CCND3: variants seen among roughly 807,000 people sequenced by gnomAD.
The protein encoded by CCND3 is G1/S-specific cyclin-D3.
CCND3 carries 9 observed loss-of-function variants against 28.7 expected under a neutral mutation model. That is an observed-to-expected ratio of 0.31 (90% CI 0.19 to 0.55). The LOEUF is 0.55. Among genes scored for constraint, CCND3 ranks in the 20% least tolerant of loss-of-function variants. The pLI is 0.93. For missense variants in CCND3, 315 were observed against 385.8 expected (o/e 0.82, Z 1.54); for synonymous variants, 164 against 163.9 (o/e 1.00, Z 0.00).
chr6:42,008,154 G>C (rs565389498), intron 1 of CCND3, among the ~76,000 whole-genome samples: 1 of 152,128 alleles, frequency 6.6e-6, no homozygotes, highest in Non-Finnish European at 1.5e-5. Context: ...GTCGAGGTGG[G>C]CAGATCACCT....
At chr6:41,952,329 G>A (rs1486457889) in intron 1 of CCND3, among the ~76,000 whole-genome samples, 1 of 152,218 alleles carries the variant, frequency 6.6e-6, no homozygotes, top group Non-Finnish European at 1.5e-5. Flanking sequence ...AGCGGGTGGA[G>A]AAATGAGCAG....
chr6:42,031,843 G>A (rs1764054474), intron 1 of CCND3, among the ~76,000 whole-genome samples: 1 of 143,642 alleles, frequency 7.0e-6, no homozygotes, highest in African/African-American at 2.7e-5. Flanking sequence ...GAGACAGAGT[G>A]CAACGGCGCG....
intron 1 of CCND3, among the ~76,000 whole-genome samples, chr6:41,998,678 A>T (rs1304420515): frequency 2.0e-5 from 3 of 149,146 alleles, no homozygotes; most frequent in Non-Finnish European, 3.0e-5. Flanking sequence ...TGGTCTATGC[A>T]TTATTATTTT....
chr6:42,009,858 T>C lies in CCND3; in HGVS notation c.-46+38643A>G, dbSNP rs570238501. On this transcript the variant is annotated intron_variant, in intron 1 of 4. Coordinates refer to the CCND3 transcript ENST00000372988. ...AAGGGGAGCCCTAGAATAGTGATTC[T>C]CAAAGTGTGGTCCCTATACCAGTAG... Among the ~76,000 whole-genome samples the C allele has an allele frequency of 7.9e-5, 12 of 152,130 alleles. No homozygotes were observed. In the East Asian group the frequency reaches 2.3e-3, roughly 29 times the overall value.
chr6:41,994,194 C>T (rs1322678744), intron 1 of CCND3, among the ~76,000 whole-genome samples: 1 of 151,792 alleles, frequency 6.6e-6, no homozygotes, highest in Non-Finnish European at 1.5e-5. Context: ...CATTGTGTTA[C>T]AGTTGCCTAC....
At chr6:41,997,444 A>C (rs6904586) in intron 1 of CCND3, among the ~76,000 whole-genome samples, 149,108 of 152,166 alleles carry the variant, frequency 0.98, 73,119 homozygotes, top group East Asian at 1. Context: ...AGTGTGAGTT[A>C]TCTGGGGTAG....
rs1209031148 is a variant in CCND3 at position 41,936,957 on chromosome 6, G to A, written c.575-262C>T. On this transcript the variant is annotated intron_variant, in intron 3 of 4. Transcript: ENST00000372991. This position sits in a 1 kb window ranked among gnomAD's most constrained non-coding sequence, Gnocchi z 4.4. ...TCCCTAGTATGGGAACACAACTAGGGCCAAGAGACTGGGGTTCTGTTCCCA... is the reference window on the plus strand; with the variant it reads ...TCCCTAGTATGGGAACACAACTAGGACCAAGAGACTGGGGTTCTGTTCCCA... The A allele has an allele frequency of 1.7e-6, 1 of 594,314 alleles. No homozygotes were observed. The highest frequency in any genetic ancestry group is 3.0e-5 in the Admixed American group (1 of 33,536). The allele number at this position is 594,314 out of a possible 1,614,324, so 36.8% of individuals were successfully genotyped here.
intron 1 of CCND3, among the ~76,000 whole-genome samples, chr6:42,021,491 G>A (rs527273125): frequency 1.3e-5 from 2 of 152,320 alleles, no homozygotes; most frequent in East Asian, 3.9e-4. Context: ...AGAGAAGGGT[G>A]GAAACCAATG....
At chr6:41,974,416 C>T (rs1762115204) in intron 1 of CCND3, among the ~76,000 whole-genome samples, 1 of 152,128 alleles carries the variant, frequency 6.6e-6, no homozygotes, top group Non-Finnish European at 1.5e-5. Flanking sequence ...TCATCATCAT[C>T]ATTAAGAACT....
At chr6:41,990,372 A>G (rs1762611389) in intron 1 of CCND3, among the ~76,000 whole-genome samples, 1 of 152,140 alleles carries the variant, frequency 6.6e-6, no homozygotes, top group Admixed American at 6.6e-5. Context: ...TCGTATTACC[A>G]AAAGCAATCT....
chr6:41,941,457 G>C lies in CCND3; in HGVS notation c.193C>G (p.Leu65Val), dbSNP rs1582089687. Residue 65 changes from leucine to valine, a missense_variant, in exon 1 of 5, where the codon CTG becomes GTG. By Grantham distance (32) the Leu-to-Val change is conservative. Transcript: ENST00000372991. This position sits in a 1 kb window ranked among gnomAD's most constrained non-coding sequence, Gnocchi z 6.1. ...HMRKMLAYWM[L>V]EVCEEQRCEE... is the part of the protein sequence containing the mutation. ...GGGACGCGTCCGGGCGGTACCTCCA[G>C]CATCCAGTAAGCCAGCATCTTCCGC... is the stretch of plus-strand genomic sequence containing the variant. 1 of 1,608,338 alleles carries C rather than the reference G, an allele frequency of 6.2e-7. No individual in the cohort carries two copies. The highest frequency in any genetic ancestry group is 8.5e-7 in the Non-Finnish European group (1 of 1,178,804).
intron 1 of CCND3, among the ~76,000 whole-genome samples, chr6:42,023,382 G>A (rs1763770257): frequency 6.6e-6 from 1 of 152,192 alleles, no homozygotes; most frequent in Non-Finnish European, 1.5e-5. Context: ...ATGAAGTATC[G>A]TGCTGTGGGG....
intron 1 of CCND3, among the ~76,000 whole-genome samples, chr6:42,019,746 A>G (rs894656437): frequency 6.6e-6 from 1 of 152,060 alleles, no homozygotes; most frequent in African/African-American, 2.4e-5. Context: ...TCCTATTTGT[A>G]ATGTGTTTTT....
At chr6:41,956,479 C>G (rs1265017390) in intron 1 of CCND3, among the ~76,000 whole-genome samples, 1 of 152,100 alleles carries the variant, frequency 6.6e-6, no homozygotes, top group African/African-American at 2.4e-5. Context: ...CCTCAACGTT[C>G]TAAAGGTAGG....
rs1157217950 is a variant in CCND3 at position 41,935,883 on chromosome 6, G to A, written c.*57C>T. The stretch of plus-strand genomic sequence containing the variant: ...TGGTGTGGTTCCTGGAGGCAGGGAG[G>A]TGGGTGGCAGCGGCCCCTCCTCTGC... On this transcript the variant is annotated 3_prime_UTR_variant, in exon 5 of 5. Coordinates refer to ENST00000372991, the MANE Select transcript of CCND3 (RefSeq NM_001760.5). 1.4e-5 allele frequency: 21 copies of A among 1,502,162 alleles called. No individual in the cohort carries two copies. The highest frequency in any genetic ancestry group is 1.7e-5 in the Non-Finnish European group (19 of 1,098,518). The allele number at this position is 1,502,162 out of a possible 1,614,324, so 93.1% of individuals were successfully genotyped here.
intron 1 of CCND3, among the ~76,000 whole-genome samples, chr6:41,949,909 A>C (rs1348844378): frequency 3.3e-5 from 5 of 150,654 alleles, no homozygotes; most frequent in Non-Finnish European, 7.4e-5. Flanking sequence ...CCTGGCTAAC[A>C]CGATGAAACC....
At chr6:41,956,609 A>C (rs1776442974) in intron 1 of CCND3, among the ~76,000 whole-genome samples, 1 of 152,212 alleles carries the variant, frequency 6.6e-6, no homozygotes, top group Non-Finnish European at 1.5e-5. Flanking sequence ...GAGGAATCTG[A>C]TAGCATGATC....
rs538429109 is a variant in CCND3 at position 42,016,181 on chromosome 6, G to A, written c.-46+32320C>T. ...AACTCCTGACCTCAGGTGATCCACC[G>A]GCCTCGGCCTCCCAAAGTGCCAGGA... On this transcript the variant is annotated intron_variant, in intron 1 of 4. Coordinates refer to the CCND3 transcript ENST00000372988. 8.6e-5 allele frequency among the ~76,000 whole-genome samples: 13 copies of A among 151,930 alleles called. No homozygotes were observed. In the South Asian group the frequency reaches 2.5e-3, roughly 29 times the overall value.
chr6:42,024,541 G>C (rs62415869), intron 1 of CCND3, among the ~76,000 whole-genome samples: 30,987 of 152,088 alleles, frequency 0.2, 3,603 homozygotes, highest in East Asian at 0.34. Context: ...GTGATGAGGA[G>C]GGTCCCTCTC....
Sources: allele counts gnomAD v4.1 joint callset (sites outside exome capture counted in the v4.1 genomes callset), GRCh38; gene constraint gnomAD v4.1.1; non-coding constraint Gnocchi (gnomAD v3.1); transcripts MANE v1.5; gene names NCBI Gene and HGNC (gene_info 2026-07-23, HGNC 2026-07-21).